The following KIAA1671 variants were observed in gnomAD, a reference collection of about 807,000 sequenced individuals.
KIAA1671 encodes KIAA1671.
KIAA1671 carries 52 observed loss-of-function variants against 131.2 expected under a neutral mutation model. The ratio of observed to expected loss-of-function variants is 0.40; its 90% CI spans 0.32 to 0.50. The LOEUF is 0.50. KIAA1671 is among the 20% of genes least tolerant of loss of function. The pLI is 0.73. For synonymous variants in KIAA1671, 1,003 were observed against 961.6 expected, an observed-to-expected ratio of 1.04 and a Z score of -0.80; for missense variants, 2,360 against 2,364.2, an observed-to-expected ratio of 1.00 and a Z score of 0.04.
At chr22:25,148,186 C>T (rs1280690747) in intron 6 of KIAA1671, among the ~76,000 whole-genome samples, 2 of 151,836 alleles carry the variant, frequency 1.3e-5, no homozygotes, top group Non-Finnish European at 2.9e-5. Context: ...CAGTCCCAGC[C>T]CTTTCTCAGT....
chr22:25,081,091 G>T (rs1601292877), intron 6 of KIAA1671, among the ~76,000 whole-genome samples: 2 of 152,294 alleles, frequency 1.3e-5, no homozygotes, highest in South Asian at 4.2e-4. Context: ...TAAATGCAAG[G>T]CAGAAGCTTG....
At chr22:24,986,304 G>A (rs1923528820) in intron 1 of KIAA1671, among the ~76,000 whole-genome samples, 1 of 152,092 alleles carries the variant, frequency 6.6e-6, no homozygotes, top group South Asian at 2.1e-4. Flanking sequence ...GGGAGACTGG[G>A]TTACGGGATA....
At chr22:25,114,331 G>A (rs1931545737) in intron 6 of KIAA1671, among the ~76,000 whole-genome samples, 1 of 152,208 alleles carries the variant, frequency 6.6e-6, no homozygotes, top group Admixed American at 6.5e-5. Flanking sequence ...CCAAGGCCTT[G>A]GTATGAGATT....
intron 6 of KIAA1671, among the ~76,000 whole-genome samples, chr22:25,159,358 A>T (rs1933357436): frequency 6.6e-6 from 1 of 152,138 alleles, no homozygotes; most frequent in Non-Finnish European, 1.5e-5. Context: ...GCTGCGGATC[A>T]TTATGCGATG....
chr22:25,184,680 G>T (rs942889588), intron 10 of KIAA1671, among the ~76,000 whole-genome samples: 1 of 152,140 alleles, frequency 6.6e-6, no homozygotes, highest in African/African-American at 2.4e-5. Flanking sequence ...TCCATGTAGA[G>T]TTCTCAGGGT....
intron 6 of KIAA1671, among the ~76,000 whole-genome samples, chr22:25,118,712 T>C (rs1931797397): frequency 6.6e-6 from 1 of 152,066 alleles, no homozygotes; most frequent in African/African-American, 2.4e-5. Flanking sequence ...TTCCCCTGCC[T>C]CACCCCAGAC....
Position 25,101,364 on chromosome 22 carries a change from G to T in KIAA1671, c.4530+52000G>T, listed in dbSNP as rs558255233. Among the ~76,000 whole-genome samples, 5 of 152,340 alleles carry T rather than the reference G, an allele frequency of 3.3e-5. No individual in the cohort carries two copies. In the East Asian group the frequency reaches 9.7e-4, roughly 29 times the overall value. On this transcript the variant is annotated intron_variant, in intron 6 of 12. Transcript: ENST00000358431. ...AGATTGGCTTTGCCATGCCAGGCAG[G>T]GCCACATGGCAGACTCTCCACAGCA...
chr22:25,028,678 A>C lies in KIAA1671; in HGVS notation c.679A>C (p.Thr227Pro). 6.4e-7 allele frequency: 1 copy of C among 1,551,138 alleles called. No individual in the cohort carries two copies. The highest frequency in any genetic ancestry group is 1.2e-5 in the South Asian group (1 of 84,066). Reference sequence around the variant, plus strand: ...CTCAAAGGCCAGCAGTGTGGAGGACACGGCACGCCCCCTTGTGGAGCCCAG... The same window carrying C: ...CTCAAAGGCCAGCAGTGTGGAGGACCCGGCACGCCCCCTTGTGGAGCCCAG... ...PPSKASSVED[T>P]ARPLVEPRPR... The change falls in exon 3 of 13, where the codon ACG becomes CCG. Residue 227 changes from threonine to proline, a missense_variant. Transcript: ENST00000358431.
chr22:25,014,237 G>A (rs1335587548), intron 1 of KIAA1671: 1 of 152,138 alleles, frequency 6.6e-6, no homozygotes, highest in African/African-American at 2.4e-5. Flanking sequence ...AGGGTGTATA[G>A]CTATTGTCCT....
At chr22:24,960,786 G>A (rs1921979936) in intron 1 of KIAA1671, among the ~76,000 whole-genome samples, 1 of 150,476 alleles carries the variant, frequency 6.6e-6, no homozygotes, top group African/African-American at 2.4e-5. Context: ...GAGGAAGGGT[G>A]TTTAGAACGT....
intron 6 of KIAA1671, chr22:25,063,686 C>G (rs532199429): frequency 1.3e-5 from 2 of 152,290 alleles, no homozygotes; most frequent in Admixed American, 6.5e-5. Flanking sequence ...CCAAAAACGA[C>G]CTGTACTTCC....
At chr22:25,188,651 T>C (rs575785256) in intron 11 of KIAA1671, among the ~76,000 whole-genome samples, 1 of 152,300 alleles carries the variant, frequency 6.6e-6, no homozygotes, top group African/African-American at 2.4e-5. Context: ...GTATATTTTG[T>C]ATGTTATATT....
intron 11 of KIAA1671, among the ~76,000 whole-genome samples, chr22:25,189,871 C>G (rs1934612100): frequency 6.6e-6 from 1 of 152,156 alleles, no homozygotes; most frequent in Non-Finnish European, 1.5e-5. Flanking sequence ...CTCTGCCTCC[C>G]TAAGTGTTGG....
chr22:25,093,928 T>C (rs1246235443), intron 6 of KIAA1671, among the ~76,000 whole-genome samples: 1 of 149,414 alleles, frequency 6.7e-6, no homozygotes, highest in East Asian at 2.0e-4. Flanking sequence ...ACAGTGATGC[T>C]GGTTTGCAGG....
At chr22:25,081,546 G>A (rs1929406777) in intron 6 of KIAA1671, among the ~76,000 whole-genome samples, 2 of 152,118 alleles carry the variant, frequency 1.3e-5, no homozygotes, top group South Asian at 4.1e-4. Context: ...GCTGCCTCGA[G>A]GGTGGAATGA....
chr22:25,182,035 C>T (rs902962514), intron 10 of KIAA1671, among the ~76,000 whole-genome samples: 11 of 152,174 alleles, frequency 7.2e-5, no homozygotes, highest in African/African-American at 2.4e-4. Flanking sequence ...AAAAATTAGC[C>T]GGGCGTGGTG....
Position 25,035,337 on chromosome 22 carries a change from G to A in KIAA1671, c.1629+2641G>A, listed in dbSNP as rs1435610180. On this transcript the variant is annotated intron_variant, in intron 4 of 12. Coordinates refer to ENST00000358431, the MANE Select transcript of KIAA1671 (RefSeq NM_001145206.2). ...GCTGGGATTATAGGTGTGAGCCACCGCGTCCGGCCAGGACTTCTATTTTCT... is the reference window on the plus strand; with the variant it reads ...GCTGGGATTATAGGTGTGAGCCACCACGTCCGGCCAGGACTTCTATTTTCT... 8.5e-5 allele frequency among the ~76,000 whole-genome samples: 13 copies of A among 152,258 alleles called. No individual in the cohort carries two copies. In the South Asian group the frequency reaches 1.2e-3, roughly 15 times the overall value.
intron 6 of KIAA1671, among the ~76,000 whole-genome samples, chr22:25,111,304 G>A (rs547834348): frequency 6.6e-6 from 1 of 152,362 alleles, no homozygotes; most frequent in East Asian, 1.9e-4. Context: ...GGGCACAGGG[G>A]TGGGTAGGCT....
In KIAA1671 at chr22:25,028,621, C is replaced by A. The variant is rs1300145097; in HGVS notation, c.622C>A (p.Pro208Thr). The change falls in exon 3 of 13, where the codon CCC becomes ACC. Residue 208 changes from proline to threonine, a missense_variant. By Grantham distance (38) the Pro-to-Thr change is conservative. Transcript: ENST00000358431. ...GTCTCAGGACACAAAACCACCTGTA[C>A]CCCAAGAGGAGGCAGGCCAAGACCA... ...PLSQDTKPPV[P>T]QEEAGQDHPP... is the part of the protein sequence containing the mutation. 1.1e-5 allele frequency: 16 copies of A among 1,469,928 alleles called. No individual in the cohort carries two copies. Among genetic ancestry groups the A allele is most frequent in the Non-Finnish European group, 1.5e-5 (16 of 1,094,606 alleles). The allele number at this position is 1,469,928 out of a possible 1,614,324, so 91.1% of individuals were successfully genotyped here.
Sources: gnomAD v4.1 joint callset for allele counts (sites outside exome capture counted in the v4.1 genomes callset) on GRCh38, gnomAD v4.1.1 for gene constraint, MANE v1.5 for transcripts, NCBI Gene and HGNC (gene_info 2026-07-23, HGNC 2026-07-21) for gene names.